The following MRPL50 variants were observed in gnomAD, a reference collection of about 807,000 sequenced individuals.
The protein encoded by MRPL50 is mitochondrial ribosomal protein L50, also known as large ribosomal subunit protein mL50.
A neutral mutation model predicts 16.2 loss-of-function variants in MRPL50; 10 were observed. The ratio of observed to expected loss-of-function variants is 0.62; its 90% CI spans 0.38 to 1.05. The LOEUF (loss-of-function observed/expected upper bound fraction) is 1.05. MRPL50 is among the 50% of genes least tolerant of loss of function. The pLI, the probability that MRPL50 is intolerant of heterozygous loss-of-function variation, is 0.01. For synonymous variants in MRPL50, 68 were observed against 66.8 expected (o/e 1.02, Z -0.09); for missense variants, 213 against 187.1 (o/e 1.14, Z -0.81).
chr9:101,388,040 C>G lies in MRPL50; in HGVS notation c.*2426G>C, dbSNP rs1225323440. Reference sequence around the variant, plus strand: ...CCCTCGTCGGCTAAATTTACCAAGACTGTTGTTTCAGGTGGCAGTACTTGT... The same window carrying G: ...CCCTCGTCGGCTAAATTTACCAAGAGTGTTGTTTCAGGTGGCAGTACTTGT... On this transcript the variant is annotated 3_prime_UTR_variant, in exon 2 of 2. Coordinates refer to ENST00000374865, the MANE Select transcript of MRPL50 (RefSeq NM_019051.3). The G allele has an allele frequency of 6.6e-6, 1 of 151,972 alleles. No individual in the cohort carries two copies. The highest frequency in any genetic ancestry group is 6.6e-5 in the Admixed American group (1 of 15,242). 9.4% of individuals were successfully genotyped at this position (151,972 alleles called of 1,614,324 possible).
In MRPL50 at chr9:101,398,568, T is replaced by G; in HGVS notation, c.25A>C (p.Ile9Leu). The change falls in exon 1 of 2, where the codon ATT (isoleucine) becomes CTT (leucine). Residue 9 changes from isoleucine (I) to leucine (L), a missense_variant. Coordinates refer to ENST00000374865, the MANE Select transcript of MRPL50 (RefSeq NM_019051.3). ...GTCCACATGAAGACTCTTCTGGTAA[T>G]GCCCGACACAGATCGCGCCGCCATC... is the stretch of plus-strand genomic sequence containing the variant. MAARSVSG[I>L]TRRVFMWTVS... The G allele has an allele frequency of 6.2e-7, 1 of 1,613,980 alleles. No homozygotes were observed. The highest frequency in any genetic ancestry group is 2.2e-5 in the East Asian group (1 of 44,876).
Position 101,389,960 on chromosome 9 carries a change from CACAAT to C in MRPL50, c.*501_*505del. 2.2e-6 allele frequency: 2 copies of C among 899,968 alleles called. No homozygotes were observed. The highest frequency in any genetic ancestry group is 2.7e-6 in the Non-Finnish European group (2 of 751,798). 55.7% of individuals were successfully genotyped at this position (899,968 alleles called of 1,614,324 possible). A position where few individuals can be genotyped will look rare whatever the true frequency, so the allele number is the denominator to read the frequency against. On this transcript the variant is annotated 3_prime_UTR_variant, in exon 2 of 2. Transcript: ENST00000374865. Reference sequence around the variant, plus strand: ...AATTTCACTTAAAAAATTTACAACACACAATACACTTTAACAAATCTACTTTAATT... The same window carrying C: ...AATTTCACTTAAAAAATTTACAACACACACTTTAACAAATCTACTTTAATT...
rs2118125721 is a variant in MRPL50 at position 101,389,878 on chromosome 9, T to C, written c.*588A>G. ...ACAGCACTCAATATTTGGCATATATTCTAATTTTTTCAAAATTATACTTAC... is the reference window on the plus strand; with the variant it reads ...ACAGCACTCAATATTTGGCATATATCCTAATTTTTTCAAAATTATACTTAC... On this transcript the variant is annotated 3_prime_UTR_variant, in exon 2 of 2. Transcript: ENST00000374865. The C allele has an allele frequency of 2.2e-6, 1 of 452,516 alleles. No homozygotes were observed. Among genetic ancestry groups the C allele is most frequent in the East Asian group, 1.5e-4 (1 of 6,510 alleles). The allele number at this position is 452,516 out of a possible 1,614,324, so 28.0% of individuals were successfully genotyped here. A position where few individuals can be genotyped will look rare whatever the true frequency, so the allele number is the denominator to read the frequency against.
chr9:101,393,086 A>G (rs971427064), intron 1 of MRPL50, among the ~76,000 whole-genome samples: 2 of 152,202 alleles, frequency 1.3e-5, no homozygotes, highest in Admixed American at 6.5e-5. Flanking sequence ...TCACATTGAT[A>G]GAATCAAGAA....
At chr9:101,397,839 TCAAA>T (rs1830379565) in intron 1 of MRPL50, among the ~76,000 whole-genome samples, 1 of 152,172 alleles carries the variant, frequency 6.6e-6, no homozygotes, top group African/African-American at 2.4e-5. Context: ...AGATTTACCT[TCAAA>T]CAATTACACA....
intron 1 of MRPL50, among the ~76,000 whole-genome samples, chr9:101,397,910 T>C (rs903038913): frequency 5.3e-5 from 8 of 152,362 alleles, no homozygotes; most frequent in East Asian, 1.9e-4. Context: ...ACATATGTTC[T>C]AGATCCAGCT....
rs537793911 is a variant in MRPL50, at chr9:101,390,417, C to T, written c.*49G>A. 4 of 1,563,248 alleles carry T rather than the reference C, an allele frequency of 2.6e-6. No homozygotes were observed. The highest frequency in any genetic ancestry group is 3.5e-6 in the Non-Finnish European group (4 of 1,155,958). On this transcript the variant is annotated 3_prime_UTR_variant, in exon 2 of 2. Coordinates refer to ENST00000374865, the MANE Select transcript of MRPL50 (RefSeq NM_019051.3). The stretch of plus-strand genomic sequence containing the variant: ...ATCAAAAGATCTAATGAGCAGCCCC[C>T]TTGCTCAGGGAAAGACAGTGATTTC...
intron 1 of MRPL50, among the ~76,000 whole-genome samples, chr9:101,396,408 C>A (rs1830340622): frequency 6.6e-6 from 1 of 152,018 alleles, no homozygotes; most frequent in Non-Finnish European, 1.5e-5. Context: ...TGTATACACA[C>A]ACATACACAA....
chr9:101,389,953 T>C lies in MRPL50; in HGVS notation c.*513A>G, dbSNP rs929985848. 16 of 897,632 alleles carry C rather than the reference T, an allele frequency of 1.8e-5. No individual in the cohort carries two copies. In the African/African-American group the frequency reaches 2.5e-4, roughly 14 times the overall value. 55.6% of individuals were successfully genotyped at this position (897,632 alleles called of 1,614,324 possible). A position where few individuals can be genotyped will look rare whatever the true frequency, so the allele number is the denominator to read the frequency against. ...GCAAGCAAATTTCACTTAAAAAATT[T>C]ACAACACACAATACACTTTAACAAA... On this transcript the variant is annotated 3_prime_UTR_variant, in exon 2 of 2. Transcript: ENST00000374865.
In MRPL50 at chr9:101,387,687, A is replaced by T. The variant is rs1830220007; in HGVS notation, c.*2779T>A. 6.6e-6 allele frequency: 1 copy of T among 152,134 alleles called. No individual in the cohort carries two copies. The highest frequency in any genetic ancestry group is 2.4e-5 in the African/African-American group (1 of 41,438). The allele number at this position is 152,134 out of a possible 1,614,324, so 9.4% of individuals were successfully genotyped here. The stretch of plus-strand genomic sequence containing the variant: ...TTTAAAACATATATTACATATGTAA[A>T]ACCATTCTATTGAGTCTGAATCTCT... On this transcript the variant is annotated 3_prime_UTR_variant, in exon 2 of 2. Coordinates refer to ENST00000374865, the MANE Select transcript of MRPL50 (RefSeq NM_019051.3).
intron 1 of MRPL50, 139 bp from the exon 2 acceptor site, chr9:101,390,989 G>A: frequency 1.1e-6 from 1 of 921,942 alleles, no homozygotes; most frequent in Non-Finnish European, 1.6e-6. Context: ...GAATATGGTA[G>A]GCCCCTGCCC....
At chr9:101,396,175 G>A (rs1315457652) in intron 1 of MRPL50, among the ~76,000 whole-genome samples, 6 of 152,038 alleles carry the variant, frequency 3.9e-5, no homozygotes, top group East Asian at 1.9e-4. Flanking sequence ...TGGAAAAAAC[G>A]GCACCCTTAT....
intron 1 of MRPL50, among the ~76,000 whole-genome samples, chr9:101,393,990 CAAA>C (rs76598460): frequency 3.0e-5 from 2 of 66,462 alleles, no homozygotes; most frequent in Non-Finnish European, 6.4e-5. Context: ...TAATGCTAAG[CAAA>C]AAAAAAAAAA....
chr9:101,389,578 A>T lies in MRPL50; in HGVS notation c.*888T>A. ...GTCAGCAGTCAGAACAATATAAGAC[A>T]TTCCTTCTGTCTCATTACTCTCCAG... On this transcript the variant is annotated 3_prime_UTR_variant, in exon 2 of 2. Transcript: ENST00000374865. 1 of 797,180 alleles carries T rather than the reference A, an allele frequency of 1.3e-6. No individual in the cohort carries two copies. The highest frequency in any genetic ancestry group is 1.7e-5 in the South Asian group (1 of 60,532). The allele number at this position is 797,180 out of a possible 1,614,324, so 49.4% of individuals were successfully genotyped here. A position where few individuals can be genotyped will look rare whatever the true frequency, so the allele number is the denominator to read the frequency against.
At chr9:101,397,405 TAAAGA>T (rs1456938749) in intron 1 of MRPL50, among the ~76,000 whole-genome samples, 2 of 152,138 alleles carry the variant, frequency 1.3e-5, no homozygotes, top group Non-Finnish European at 2.9e-5. Flanking sequence ...TTTAAAATAG[TAAAGA>T]AAATATAATC....
rs1830222745 is a variant in MRPL50, at chr9:101,388,006, ATG to A, written c.*2458_*2459del. The A allele has an allele frequency of 6.6e-6, 1 of 151,954 alleles. No homozygotes were observed. Among genetic ancestry groups the A allele is most frequent in the African/African-American group, 2.4e-5 (1 of 41,386 alleles). The allele number at this position is 151,954 out of a possible 1,614,324, so 9.4% of individuals were successfully genotyped here. A position where few individuals can be genotyped will look rare whatever the true frequency, so the allele number is the denominator to read the frequency against. Reference sequence around the variant, plus strand: ...CGTACAGTTTACCTTCCCTGTTAGGATGTGTTTACCCTCGTCGGCTAAATTTA... The same window carrying A: ...CGTACAGTTTACCTTCCCTGTTAGGATGTTTACCCTCGTCGGCTAAATTTA... On this transcript the variant is annotated 3_prime_UTR_variant, in exon 2 of 2. Coordinates refer to ENST00000374865, the MANE Select transcript of MRPL50 (RefSeq NM_019051.3).
intron 1 of MRPL50, among the ~76,000 whole-genome samples, chr9:101,394,324 G>A (rs1466467034): frequency 1.3e-5 from 2 of 152,210 alleles, no homozygotes; most frequent in Admixed American, 6.5e-5. Context: ...GTCAGTGCTT[G>A]AGATATTTTG....
In MRPL50 at chr9:101,390,779, A is replaced by G. The variant is rs144943233; in HGVS notation, c.164T>C (p.Leu55Ser). 1 of 1,613,592 alleles carries G rather than the reference A, an allele frequency of 6.2e-7. No homozygotes were observed. Among genetic ancestry groups the G allele is most frequent in the Non-Finnish European group, 8.5e-7 (1 of 1,179,624 alleles). The change falls in exon 2 of 2, where the codon TTA (leucine) becomes TCA (serine). Residue 55 changes from leucine (L) to serine (S), a missense_variant. By Grantham distance (145) the Leu-to-Ser change is moderately radical. Transcript: ENST00000374865. ...KKEPILVCPP[L>S]RSRAYTPPED... ...AGGTGGTGTGTATGCTCGGCTTCGTAAAGGTGGACACACTAGGATAGGTTC... is the reference window on the plus strand; with the variant it reads ...AGGTGGTGTGTATGCTCGGCTTCGTGAAGGTGGACACACTAGGATAGGTTC...
intron 1 of MRPL50, among the ~76,000 whole-genome samples, chr9:101,396,443 TAA>T (rs1161905435): frequency 6.6e-6 from 1 of 152,170 alleles, no homozygotes; most frequent in Non-Finnish European, 1.5e-5. Context: ...TAAAATGCCA[TAA>T]GTGTGTCTAT....
Sources: gnomAD v4.1 joint callset for allele counts (sites outside exome capture counted in the v4.1 genomes callset) on GRCh38, gnomAD v4.1.1 for gene constraint, MANE v1.5 for transcripts, NCBI Gene and HGNC (gene_info 2026-07-23, HGNC 2026-07-21) for gene names.